The following IL31RA variants were observed in gnomAD, a reference collection of about 807,000 sequenced individuals.
The protein encoded by IL31RA is interleukin 31 receptor A, also known as interleukin-31 receptor subunit alpha.
Under a neutral mutation model 83.7 loss-of-function variants are expected in IL31RA, and 66 were observed. The observed-to-expected ratio is 0.79, with a 90% CI of 0.65 to 0.97. The LOEUF (loss-of-function observed/expected upper bound fraction) is 0.97. Among genes scored for constraint, IL31RA ranks in the 50% least tolerant of loss-of-function variants. IL31RA has a pLI of 0.00. For missense variants in IL31RA, 798 were observed against 919.4 expected (o/e 0.87, Z 1.71); for synonymous variants, 325 against 329.0 (o/e 0.99, Z 0.13).
rs776283324 is a variant in IL31RA at position 55,890,093 on chromosome 5, A to T, written c.730A>T (p.Ser244Cys). Reference protein sequence around the residue: ...RCAVKESKFWSDWSQEKMGMT... With the variant: ...RCAVKESKFWCDWSQEKMGMT... Reference sequence around the variant, plus strand: ...TGCGGTCAAGGAGTCAAAGTTCTGGAGTGACTGGAGCCAAGAAAAAATGGG... The same window carrying T: ...TGCGGTCAAGGAGTCAAAGTTCTGGTGTGACTGGAGCCAAGAAAAAATGGG... Residue 244 changes from serine to cysteine, a missense_variant, in exon 6 of 15, where the codon AGT becomes TGT. Coordinates refer to ENST00000652347, the MANE Select transcript of IL31RA (RefSeq NM_139017.7). 1.2e-6 allele frequency: 2 copies of T among 1,613,920 alleles called. No individual in the cohort carries two copies. Among genetic ancestry groups the T allele is most frequent in the Non-Finnish European group, 1.7e-6 (2 of 1,179,848 alleles).
In IL31RA at chr5:55,895,253, C is replaced by T. The variant is rs776026083; in HGVS notation, c.773-1097C>T. ...CCAAATCGTGGGCCGCTAGCCGTCT[C>T]GACATTTGTTTAGAACTCTCTGCTT... On this transcript the variant is annotated intron_variant, in intron 6 of 14. Coordinates refer to ENST00000652347, the MANE Select transcript of IL31RA (RefSeq NM_139017.7). Among the ~76,000 whole-genome samples the T allele has an allele frequency of 5.9e-4, 90 of 152,278 alleles. 2 individuals are homozygous for T. Among genetic ancestry groups the T allele is most frequent in the Admixed American group, 3.6e-3 (55 of 15,294 alleles).
At chr5:55,871,578 A>C (rs1746507094) in intron 3 of IL31RA, among the ~76,000 whole-genome samples, 1 of 152,216 alleles carries the variant, frequency 6.6e-6, no homozygotes, top group African/African-American at 2.4e-5. Context: ...TTCTGAAAAC[A>C]ATATATACCA....
At chr5:55,867,122 T>TGCA (rs1561542873) in intron 2 of IL31RA, among the ~76,000 whole-genome samples, 5 of 130,938 alleles carry the variant, frequency 3.8e-5, no homozygotes, top group African/African-American at 1.4e-4. Flanking sequence ...CATGTGTGTG[T>TGCA]TTGTGTGTGT....
intron 1 of IL31RA, among the ~76,000 whole-genome samples, chr5:55,855,228 T>A (rs10076743): frequency 5.9e-5 from 9 of 151,904 alleles, no homozygotes; most frequent in African/African-American, 2.2e-4. Flanking sequence ...CATTGCAGCT[T>A]CAAACTCCTG....
intron 1 of IL31RA, among the ~76,000 whole-genome samples, chr5:55,856,160 G>T (rs1483105487): frequency 6.6e-6 from 1 of 152,228 alleles, no homozygotes; most frequent in Non-Finnish European, 1.5e-5. Context: ...GCCTCCCAAA[G>T]TGCTGGGATT....
chr5:55,903,146 G>A lies in IL31RA; in HGVS notation c.1070-2960G>A, dbSNP rs1292738800. Among the ~76,000 whole-genome samples, 1 of 152,208 alleles carries A rather than the reference G, an allele frequency of 6.6e-6. No individual in the cohort carries two copies. The highest frequency in any genetic ancestry group is 1.5e-5 in the Non-Finnish European group (1 of 68,038). On this transcript the variant is annotated intron_variant, in intron 8 of 14. Coordinates refer to ENST00000652347, the MANE Select transcript of IL31RA (RefSeq NM_139017.7). The surrounding 1 kb of genome is among the most constrained non-coding windows in gnomAD (Gnocchi z 4.7). The stretch of plus-strand genomic sequence containing the variant: ...GCACGCCCTGGGTTTTGTGAGACCC[G>A]AGACAGCAGGCAGCGGTGGCGTGGT...
upstream of IL31RA, among the ~76,000 whole-genome samples, chr5:55,847,308 G>A (rs115805151): frequency 0.07 from 10,287 of 148,010 alleles, 547 homozygotes; most frequent in African/African-American, 0.15. Flanking sequence ...AAGTTGCAAA[G>A]ATAGGGCTGG....
chr5:55,898,395 A>G (rs1411862334), intron 7 of IL31RA, among the ~76,000 whole-genome samples: 1 of 149,992 alleles, frequency 6.7e-6, no homozygotes, highest in Non-Finnish European at 1.5e-5. Context: ...AATGTACTAA[A>G]ATGCTCTAAA....
intron 2 of IL31RA, among the ~76,000 whole-genome samples, chr5:55,864,531 A>G (rs1052265656): frequency 1.3e-5 from 2 of 150,282 alleles, no homozygotes; most frequent in African/African-American, 4.9e-5. Context: ...CACACTATAA[A>G]CACATCACAC....
Position 55,920,531 on chromosome 5 carries a change from G to A in IL31RA, c.*3411G>A, listed in dbSNP as rs559199095. 1.7e-4 allele frequency among the ~76,000 whole-genome samples: 26 copies of A among 152,310 alleles called. 1 individual carries two copies. In the South Asian group the frequency reaches 4.6e-3, roughly 27 times the overall value. The stretch of plus-strand genomic sequence containing the variant: ...CCATCGTTGACCTATTCCCTATGGC[G>A]GCTTGCCCCTACAAAGGCAGAGTTG... On this transcript the variant is annotated 3_prime_UTR_variant, in exon 15 of 15. Coordinates refer to ENST00000652347, the MANE Select transcript of IL31RA (RefSeq NM_139017.7).
At position 55,903,251 on chromosome 5, in the gene IL31RA, C is replaced by T. The variant is rs186335974; in HGVS notation, c.1070-2855C>T. Among the ~76,000 whole-genome samples, 186 of 152,310 alleles carry T rather than the reference C, an allele frequency of 1.2e-3. 1 individual carries two copies. The Middle Eastern group carries it at 0.017, about 14-fold the overall frequency. On this transcript the variant is annotated intron_variant, in intron 8 of 14. Transcript: ENST00000652347. The surrounding 1 kb of genome is among the most constrained non-coding windows in gnomAD (Gnocchi z 4.7). ...GATGGGCCCAAGTTGGGGCAGAGCT[C>T]AGGATGGGCCAGGACGGTTGGCAAA... is the stretch of plus-strand genomic sequence containing the variant.
chr5:55,867,125 G>GTGTGTGTGTGCA (rs1445589617), intron 2 of IL31RA, among the ~76,000 whole-genome samples: 1 of 114,762 alleles, frequency 8.7e-6, no homozygotes, highest in Non-Finnish European at 2.0e-5. Context: ...GTGTGTGTTT[G>GTGTGTGTGTGCA]TGTGTGTGTG....
rs1561133631 is a variant in IL31RA at position 55,922,298 on chromosome 5, G to A, written c.*5178G>A. ...CTGGGGAGAAGCAAGGGGCAGGGGA[G>A]GGGCAGAACTCCACAAGAGGGCAAA... On this transcript the variant is annotated 3_prime_UTR_variant, in exon 15 of 15. Transcript: ENST00000652347. The A allele has an allele frequency of 2.4e-5, 23 of 956,240 alleles. No individual in the cohort carries two copies. Among genetic ancestry groups the A allele is most frequent in the Non-Finnish European group, 3.6e-5 (22 of 604,460 alleles). 59.2% of individuals were successfully genotyped at this position (956,240 alleles called of 1,614,324 possible).
intron 5 of IL31RA, among the ~76,000 whole-genome samples, chr5:55,888,143 A>G (rs972635822): frequency 2.6e-5 from 4 of 152,168 alleles, no homozygotes; most frequent in South Asian, 2.1e-4. Flanking sequence ...GTGAGTTAGG[A>G]TTTGGCACAA....
At chr5:55,864,349 ACACACAC>A (rs1745881688) in intron 2 of IL31RA, among the ~76,000 whole-genome samples, 1 of 89,034 alleles carries the variant, frequency 1.1e-5, no homozygotes, top group African/African-American at 4.0e-5. Flanking sequence ...CTACACACAC[ACACACAC>A]CACACACACT....
intron 5 of IL31RA, among the ~76,000 whole-genome samples, chr5:55,887,778 G>A (rs917541400): frequency 2.0e-5 from 3 of 152,050 alleles, no homozygotes; most frequent in African/African-American, 4.8e-5. Flanking sequence ...CCAGCTACTC[G>A]GGAGGCTGAG....
chr5:55,903,841 G>C lies in IL31RA; in HGVS notation c.1070-2265G>C, dbSNP rs980443032. Among the ~76,000 whole-genome samples, 1 of 152,220 alleles carries C rather than the reference G, an allele frequency of 6.6e-6. No individual in the cohort carries two copies. The highest frequency in any genetic ancestry group is 1.5e-5 in the Non-Finnish European group (1 of 68,040). On this transcript the variant is annotated intron_variant, in intron 8 of 14. Coordinates refer to ENST00000652347, the MANE Select transcript of IL31RA (RefSeq NM_139017.7). This position sits in a 1 kb window ranked among gnomAD's most constrained non-coding sequence, Gnocchi z 4.7. ...CCAAAACGAAGCACTGCAGACTGGG[G>C]GGCTTCAAACAACAGAACTTTATTG...
Position 55,916,778 on chromosome 5 carries a change from T to A in IL31RA, c.1953T>A (p.Ile651=). ...ACTTTGGGAATGTTCTGCAAGAAAT[T>A]TTCACAGATGAAGCCAGAACGGGTC... ...VVNFGNVLQE[I]FTDEARTGQE... The change falls in exon 15 of 15, where the codon ATT becomes ATA. Residue 651 remains isoleucine (I), a synonymous_variant. Coordinates refer to ENST00000652347, the MANE Select transcript of IL31RA (RefSeq NM_139017.7). 6.2e-7 allele frequency: 1 copy of A among 1,614,158 alleles called. No homozygotes were observed. The highest frequency in any genetic ancestry group is 1.3e-5 in the African/African-American group (1 of 75,024).
At chr5:55,883,912 C>A (rs1352225255) in intron 5 of IL31RA, among the ~76,000 whole-genome samples, 1 of 152,176 alleles carries the variant, frequency 6.6e-6, no homozygotes, top group Non-Finnish European at 1.5e-5. Context: ...CAATATTGTG[C>A]TTTTAAGACT....
Sources: allele counts gnomAD v4.1 joint callset (sites outside exome capture counted in the v4.1 genomes callset), GRCh38; gene constraint gnomAD v4.1.1; non-coding constraint Gnocchi (gnomAD v3.1); transcripts MANE v1.5; gene names NCBI Gene and HGNC (gene_info 2026-07-23, HGNC 2026-07-21).